WWC2: variants seen among roughly 807,000 people sequenced by gnomAD.
The protein encoded by WWC2 is protein WWC2.
A neutral mutation model predicts 138.5 loss-of-function variants in WWC2; 101 were observed. That is an observed-to-expected ratio of 0.73 (90% CI 0.62 to 0.86). The LOEUF is 0.86. Among genes scored for constraint, WWC2 ranks in the 40% least tolerant of loss-of-function variants. The pLI is 0.00. For missense variants in WWC2, 1,420 were observed against 1,419.4 expected (o/e 1.00, Z -0.01); for synonymous variants, 558 against 538.4 (o/e 1.04, Z -0.50).
At chr4:183,147,265 A>C (rs1268927330) in intron 1 of WWC2, among the ~76,000 whole-genome samples, 1 of 152,224 alleles carries the variant, frequency 6.6e-6, no homozygotes, top group Non-Finnish European at 1.5e-5. Flanking sequence ...ACAGACATAA[A>C]AGTCATACTA....
chr4:183,172,681 TG>T lies in WWC2; in HGVS notation c.132-20917del, dbSNP rs1734330453. Among the ~76,000 whole-genome samples the T allele has an allele frequency of 2.6e-5, 4 of 152,130 alleles. 1 individual carries two copies. Among genetic ancestry groups the T allele is most frequent in the African/African-American group, 7.2e-5 (3 of 41,514 alleles). On this transcript the variant is annotated intron_variant, in intron 1 of 22. Transcript: ENST00000403733. ...AAAATTTCACAATGTTGGGCATTGA[TG>T]TAGGCCTTTTGTAACCATTGTGCTA...
At chr4:183,225,076 G>A (rs79431130) in intron 4 of WWC2, among the ~76,000 whole-genome samples, 2 of 150,418 alleles carry the variant, frequency 1.3e-5, no homozygotes, top group African/African-American at 2.5e-5. Context: ...CTTTTTTTTT[G>A]CACTAGACCT....
chr4:183,116,433 T>A (rs1732410890), intron 1 of WWC2, among the ~76,000 whole-genome samples: 1 of 152,248 alleles, frequency 6.6e-6, no homozygotes, highest in Admixed American at 6.5e-5. Context: ...ACCATTATTA[T>A]TTCCATTTTA....
intron 10 of WWC2, among the ~76,000 whole-genome samples, 157 bp downstream of exon 10, chr4:183,259,885 T>C (rs1348019014): frequency 6.6e-6 from 1 of 152,240 alleles, no homozygotes. Flanking sequence ...TCACATTTTC[T>C]TTTGCATGAA....
rs186419431 is a variant in WWC2, at chr4:183,188,825, A to G, written c.132-4774A>G. On this transcript the variant is annotated intron_variant, in intron 1 of 22. Coordinates refer to ENST00000403733, the MANE Select transcript of WWC2 (RefSeq NM_024949.6). ...ACGCCTGGCTAATTTTTGTATTTTT[A>G]GTAGAGACGGGGGTTTCACCAAGTT... Among the ~76,000 whole-genome samples, 817 of 151,438 alleles carry G rather than the reference A, an allele frequency of 5.4e-3. 6 individuals are homozygous for G. Among genetic ancestry groups the G allele is most frequent in the African/African-American group, 0.019 (790 of 41,366 alleles).
At chr4:183,242,213 C>G (rs748047386) in intron 5 of WWC2, among the ~76,000 whole-genome samples, 5 of 152,150 alleles carry the variant, frequency 3.3e-5, no homozygotes, top group Non-Finnish European at 7.3e-5. Flanking sequence ...GATCAACAAT[C>G]AAACCCAGCA....
intron 22 of WWC2, among the ~76,000 whole-genome samples, chr4:183,313,550 C>T (rs1244978792): frequency 1.3e-5 from 2 of 151,990 alleles, no homozygotes; most frequent in Non-Finnish European, 2.9e-5. Flanking sequence ...GTGAGATAAC[C>T]ATGACCAGTA....
At chr4:183,267,898 A>G (rs1048025269) in intron 14 of WWC2, among the ~76,000 whole-genome samples, 4 of 152,136 alleles carry the variant, frequency 2.6e-5, no homozygotes, top group African/African-American at 4.8e-5. Flanking sequence ...TATTCTTAAA[A>G]TTGTTCTTTT....
At chr4:183,111,642 T>C (rs1001431537) in intron 1 of WWC2, among the ~76,000 whole-genome samples, 6 of 152,116 alleles carry the variant, frequency 3.9e-5, no homozygotes, top group Non-Finnish European at 8.8e-5. Context: ...TCTTTTCTTA[T>C]CTGCTGCTTA....
chr4:183,297,576 AT>A (rs1738677933), intron 21 of WWC2, among the ~76,000 whole-genome samples: 1 of 151,702 alleles, frequency 6.6e-6, no homozygotes, highest in Non-Finnish European at 1.5e-5. Flanking sequence ...CTCCCGGCTA[AT>A]TTTTTTATAT....
chr4:183,221,353 A>T (rs1434331672), intron 4 of WWC2, among the ~76,000 whole-genome samples: 1 of 152,254 alleles, frequency 6.6e-6, no homozygotes, highest in Non-Finnish European at 1.5e-5. Context: ...GTTGGACATG[A>T]TAGAATGTGT....
At position 183,133,703 on chromosome 4, in the gene WWC2, G is replaced by T. The variant is rs1428189151; in HGVS notation, c.131+34081G>T. On this transcript the variant is annotated intron_variant, in intron 1 of 22. Coordinates refer to ENST00000403733, the MANE Select transcript of WWC2 (RefSeq NM_024949.6). Reference sequence around the variant, plus strand: ...GTAGAGACGGGGTTTCACCGTGTTGGCCAGGCTGGTCTTGAACTCCTCACC... The same window carrying T: ...GTAGAGACGGGGTTTCACCGTGTTGTCCAGGCTGGTCTTGAACTCCTCACC... Among the ~76,000 whole-genome samples, 4 of 152,068 alleles carry T rather than the reference G, an allele frequency of 2.6e-5. 1 individual carries two copies. Among genetic ancestry groups the T allele is most frequent in the African/African-American group, 9.7e-5 (4 of 41,390 alleles).
Position 183,261,028 on chromosome 4 carries a change from C to T in WWC2, c.1405C>T (p.Leu469Phe), listed in dbSNP as rs1302376456. 7.4e-6 allele frequency: 12 copies of T among 1,614,032 alleles called. No individual in the cohort carries two copies. The highest frequency in any genetic ancestry group is 1.0e-5 in the Non-Finnish European group (12 of 1,179,900). ...GSLNSLSSTE[L>F]YYSSQSDQID... ...ACTCAACTCCCTCAGTTCCACCGAA[C>T]TCTATTACAGCAGTCAAAGTGATCA... Residue 469 changes from leucine (L) to phenylalanine (F), a missense_variant, in exon 11 of 23, where the codon CTC (leucine) becomes TTC (phenylalanine). Physicochemically the swap from Leu to Phe is conservative, Grantham distance 22. Transcript: ENST00000403733.
rs1351014272 is a variant in WWC2 at position 183,269,031 on chromosome 4, A to C, written c.2268A>C (p.Lys756Asn). 2.5e-6 allele frequency: 4 copies of C among 1,613,798 alleles called. No homozygotes were observed. In the African/African-American group the frequency reaches 5.3e-5, roughly 22 times the overall value. Residue 756 changes from lysine to asparagine, a missense_variant, in exon 15 of 23, where the codon AAA becomes AAC. Coordinates refer to ENST00000403733, the MANE Select transcript of WWC2 (RefSeq NM_024949.6). ...STDVSCLFRT[K>N]VHPPTESILF... ...ATGTCAGCTGTCTGTTTCGCACAAA[A>C]GTTCATCCGCCCACAGAATCCATTT...
intron 1 of WWC2, among the ~76,000 whole-genome samples, chr4:183,179,593 G>A (rs760729027): frequency 6.6e-5 from 10 of 152,076 alleles, no homozygotes; most frequent in Admixed American, 2.0e-4. Flanking sequence ...AAGGATGACC[G>A]CCTCCCGGGT....
intron 21 of WWC2, among the ~76,000 whole-genome samples, chr4:183,297,222 C>T (rs1738661839): frequency 6.6e-6 from 1 of 152,130 alleles, no homozygotes; most frequent in African/African-American, 2.4e-5. Flanking sequence ...AGCCTCCCTC[C>T]TCGGCCTCCC....
chr4:183,149,658 T>C (rs1401329125), intron 1 of WWC2, among the ~76,000 whole-genome samples: 1 of 150,128 alleles, frequency 6.7e-6, no homozygotes, highest in Non-Finnish European at 1.5e-5. Context: ...TTTTTTAATC[T>C]ATAGCTTCTC....
chr4:183,122,503 G>A (rs904764447), intron 1 of WWC2, among the ~76,000 whole-genome samples: 2 of 152,116 alleles, frequency 1.3e-5, no homozygotes, highest in Non-Finnish European at 2.9e-5. Flanking sequence ...TTAGTATCCT[G>A]AATGAATAAA....
At chr4:183,294,625 C>T (rs1031441446) in intron 21 of WWC2, among the ~76,000 whole-genome samples, 1 of 152,174 alleles carries the variant, frequency 6.6e-6, no homozygotes, top group African/African-American at 2.4e-5. Context: ...CTTCCTAGTC[C>T]CCAGCGCCAG....
Sources: gnomAD v4.1 joint callset for allele counts (sites outside exome capture counted in the v4.1 genomes callset) on GRCh38, gnomAD v4.1.1 for gene constraint, MANE v1.5 for transcripts, NCBI Gene and HGNC (gene_info 2026-07-23, HGNC 2026-07-21) for gene names.